ST18: variants seen among roughly 807,000 people sequenced by gnomAD.
ST18 encodes suppression of tumorigenicity 18 protein.
A neutral mutation model predicts 110.0 loss-of-function variants in ST18; 50 were observed. The observed-to-expected ratio is 0.45, with a 90% CI of 0.36 to 0.58. ST18 has a LOEUF of 0.58. Ranked by LOEUF, ST18 falls within the 20% of genes least tolerant of loss-of-function variation. ST18 has a pLI of 0.00. For missense variants in ST18, 1,306 were observed against 1,280.1 expected, an observed-to-expected ratio of 1.02 and a Z score of -0.31; for synonymous variants, 461 against 452.4, an observed-to-expected ratio of 1.02 and a Z score of -0.24.
rs1254361410 is a variant in ST18 at position 52,382,927 on chromosome 8, G to C, written c.-465+26401C>G. Reference sequence around the variant, plus strand: ...ACAGTAGCCAGCTTCTGAAGAAGAGGCTCAGAGCAAATGTGCCACGAGGAT... The same window carrying C: ...ACAGTAGCCAGCTTCTGAAGAAGAGCCTCAGAGCAAATGTGCCACGAGGAT... On this transcript the variant is annotated intron_variant, in intron 2 of 25. Coordinates refer to ENST00000689386, the MANE Select transcript of ST18 (RefSeq NM_001352837.2). 2.0e-5 allele frequency among the ~76,000 whole-genome samples: 3 copies of C among 152,046 alleles called. No individual in the cohort carries two copies. The East Asian group carries it at 5.8e-4, about 29-fold the overall frequency.
intron 2 of ST18, among the ~76,000 whole-genome samples, chr8:52,322,774 T>C (rs1331208514): frequency 6.6e-6 from 1 of 152,186 alleles, no homozygotes; most frequent in Non-Finnish European, 1.5e-5. Context: ...CTCATTTTGG[T>C]TAAAAACTAA....
intron 2 of ST18, among the ~76,000 whole-genome samples, chr8:52,351,325 A>G (rs1820229491): frequency 6.6e-6 from 1 of 152,176 alleles, no homozygotes; most frequent in African/African-American, 2.4e-5. Flanking sequence ...TGCTGTCTTC[A>G]CTGAATCTGC....
chr8:52,171,181 G>A (rs1193216157), intron 10 of ST18, among the ~76,000 whole-genome samples: 1 of 152,190 alleles, frequency 6.6e-6, no homozygotes, highest in Non-Finnish European at 1.5e-5. Context: ...AGACTCCGGG[G>A]AGAAAGAGCA....
At chr8:52,306,890 A>T (rs1348623459) in intron 2 of ST18, among the ~76,000 whole-genome samples, 1 of 152,242 alleles carries the variant, frequency 6.6e-6, no homozygotes, top group African/African-American at 2.4e-5. Flanking sequence ...AATATATTAT[A>T]TTATCAGGTT....
intron 2 of ST18, among the ~76,000 whole-genome samples, chr8:52,289,754 C>T (rs2095526142): frequency 6.6e-6 from 1 of 152,100 alleles, no homozygotes; most frequent in Admixed American, 6.5e-5. Context: ...TGCAGGGGCT[C>T]ATCAGCTTCT....
chr8:52,350,220 ACTCC>A (rs1819665419), intron 2 of ST18, among the ~76,000 whole-genome samples: 3 of 152,114 alleles, frequency 2.0e-5, no homozygotes, highest in African/African-American at 7.2e-5. Context: ...ATGAAAAATA[ACTCC>A]TTGCATTAGA....
intron 2 of ST18, among the ~76,000 whole-genome samples, chr8:52,280,244 G>T (rs2139126535): frequency 6.6e-6 from 1 of 152,116 alleles, no homozygotes; most frequent in East Asian, 1.9e-4. Flanking sequence ...AGAGCAAAGA[G>T]AAATTACCAG....
At chr8:52,357,591 T>C (rs1172589603) in intron 2 of ST18, among the ~76,000 whole-genome samples, 2 of 147,140 alleles carry the variant, frequency 1.4e-5, no homozygotes, top group Non-Finnish European at 3.0e-5. Flanking sequence ...ACAAAAGACA[T>C]TGTTTATCAA....
At chr8:52,183,347 C>T (rs2070654767) in intron 8 of ST18, among the ~76,000 whole-genome samples, 1 of 152,136 alleles carries the variant, frequency 6.6e-6, no homozygotes, top group African/African-American at 2.4e-5. Context: ...ATGTCCATAG[C>T]CTGGGGCAGG....
chr8:52,399,620 G>A (rs542330378), intron 2 of ST18, among the ~76,000 whole-genome samples: 4 of 151,588 alleles, frequency 2.6e-5, no homozygotes, highest in East Asian at 3.9e-4. Context: ...ATAGGTTTTC[G>A]TAGGTTATGT....
intron 2 of ST18, among the ~76,000 whole-genome samples, chr8:52,367,108 G>A (rs990157358): frequency 1.1e-4 from 17 of 152,150 alleles, no homozygotes; most frequent in Middle Eastern, 3.4e-3. Flanking sequence ...GGTGCATGCC[G>A]GTAATCCCAG....
chr8:52,237,118 T>TA (rs1266425559), intron 2 of ST18, among the ~76,000 whole-genome samples: 2 of 152,172 alleles, frequency 1.3e-5, no homozygotes, highest in Non-Finnish European at 2.9e-5. Context: ...ATGCCATGGA[T>TA]AAAAGGCATA....
intron 14 of ST18, 70 bp from the exon 15 acceptor site, chr8:52,159,179 T>TA (rs370267262): frequency 6.4e-6 from 9 of 1,407,562 alleles, no homozygotes; most frequent in Non-Finnish European, 8.7e-6. Context: ...TTGTTTTTTT[T>TA]AAAAATGTAA....
chr8:52,239,045 T>C (rs939455255), intron 2 of ST18, among the ~76,000 whole-genome samples: 2 of 152,070 alleles, frequency 1.3e-5, no homozygotes, highest in East Asian at 1.9e-4. Flanking sequence ...TGCCGAAACA[T>C]GGATGAGCCT....
At chr8:52,181,751 G>T (rs1415975197) in intron 8 of ST18, among the ~76,000 whole-genome samples, 1 of 152,120 alleles carries the variant, frequency 6.6e-6, no homozygotes, top group Non-Finnish European at 1.5e-5. Flanking sequence ...GACCAACATG[G>T]ACTGCTCTGC....
At chr8:52,123,606 T>C (rs2045867294) in intron 23 of ST18, among the ~76,000 whole-genome samples, 1 of 152,234 alleles carries the variant, frequency 6.6e-6, no homozygotes, top group Admixed American at 6.5e-5. Flanking sequence ...TCCAGTTAGT[T>C]ACCTGTCCAC....
rs978258479 is a variant in ST18 at position 52,142,855 on chromosome 8, A to C, written c.2168+75T>G. On this transcript the variant is annotated intron_variant, in intron 17 of 25. Transcript: ENST00000689386. ...CCTAACATCAACTGTATAAGCCAGG[A>C]TATTGTAACTTTAAGTCATGAACTT... 9 of 1,109,700 alleles carry C rather than the reference A, an allele frequency of 8.1e-6. No homozygotes were observed. In the Admixed American group the frequency reaches 1.5e-4, roughly 18 times the overall value. The allele number at this position is 1,109,700 out of a possible 1,614,324, so 68.7% of individuals were successfully genotyped here.
chr8:52,215,113 G>A (rs571443453), intron 6 of ST18, among the ~76,000 whole-genome samples: 3 of 152,232 alleles, frequency 2.0e-5, no homozygotes, highest in African/African-American at 7.2e-5. Context: ...CAGAAGGTGC[G>A]CTCAGTGGCT....
At chr8:52,138,277 T>C (rs1196418641) in intron 17 of ST18, among the ~76,000 whole-genome samples, 3 of 152,148 alleles carry the variant, frequency 2.0e-5, no homozygotes. Context: ...TTTATAAACA[T>C]TTTAGAAACC....
Sources: allele counts gnomAD v4.1 joint callset (sites outside exome capture counted in the v4.1 genomes callset), GRCh38; gene constraint gnomAD v4.1.1; transcripts MANE v1.5; gene names NCBI Gene and HGNC (gene_info 2026-07-23, HGNC 2026-07-21).